The following ACOT7 variants were observed in gnomAD, a reference collection of about 807,000 sequenced individuals.
ACOT7 encodes the protein cytosolic acyl coenzyme A thioester hydrolase.
ACOT7 carries 12 observed loss-of-function variants against 40.2 expected under a neutral mutation model. That is an observed-to-expected ratio of 0.30 (90% CI 0.19 to 0.48). ACOT7 has a LOEUF of 0.48. Among genes scored for constraint, ACOT7 ranks in the 20% least tolerant of loss-of-function variants. The pLI is 0.99. For synonymous variants in ACOT7, 228 were observed against 219.5 expected (o/e 1.04, Z -0.34); for missense variants, 395 against 530.8 (o/e 0.74, Z 2.51).
rs74829338 is a variant in ACOT7 at position 6,376,727 on chromosome 1, C to CA, written c.143+16529dup. 5.2e-3 allele frequency among the ~76,000 whole-genome samples: 496 copies of CA among 94,586 alleles called. 4 individuals carry two copies. Among genetic ancestry groups the CA allele is most frequent in the Non-Finnish European group, 6.3e-3 (273 of 43,578 alleles). The allele number at this position is 94,586 out of a possible 152,430, so 62.1% of individuals were successfully genotyped here. A position where few individuals can be genotyped will look rare whatever the true frequency, so the allele number is the denominator to read the frequency against. On this transcript the variant is annotated intron_variant, in intron 1 of 8. Transcript: ENST00000361521. ...GGGCAACAAGAGTAAAACTCCATCC[C>CA]AAAAAAAAAAAAAAAAAAATTAGCT... is the stretch of plus-strand genomic sequence containing the variant.
chr1:6,364,917 G>C (rs1641969892), intron 1 of ACOT7, among the ~76,000 whole-genome samples: 1 of 151,228 alleles, frequency 6.6e-6, no homozygotes, highest in Non-Finnish European at 1.5e-5. Flanking sequence ...CAGGTACTCA[G>C]GAGGCTGAGG....
intron 1 of ACOT7, among the ~76,000 whole-genome samples, chr1:6,350,992 G>A (rs1290491251): frequency 6.6e-6 from 1 of 152,200 alleles, no homozygotes; most frequent in East Asian, 1.9e-4. Context: ...CCACAACAGC[G>A]CTGGCAGACA....
At chr1:6,300,957 A>G (rs1013681308) in intron 6 of ACOT7, among the ~76,000 whole-genome samples, 1 of 152,208 alleles carries the variant, frequency 6.6e-6, no homozygotes, top group African/African-American at 2.4e-5. Context: ...TCACACCACT[A>G]GGGGTAGGAT....
intron 4 of ACOT7, among the ~76,000 whole-genome samples, chr1:6,332,738 G>A (rs980237719): frequency 1.9e-4 from 29 of 151,898 alleles, no homozygotes; most frequent in African/African-American, 5.3e-4. Flanking sequence ...GGAGAATGGC[G>A]TGAACGTGGG....
intron 6 of ACOT7, among the ~76,000 whole-genome samples, chr1:6,305,403 G>A (rs1438566183): frequency 1.3e-5 from 2 of 151,610 alleles, no homozygotes; most frequent in Admixed American, 6.5e-5. Flanking sequence ...CTCCCAGACG[G>A]GGCGGCTGAC....
rs1202502106 is a variant in ACOT7, at chr1:6,275,460, C to T, written c.1014+5642G>A. On this transcript the variant is annotated intron_variant, in intron 8 of 8. Coordinates refer to ENST00000361521, the MANE Select transcript of ACOT7 (RefSeq NM_007274.4). The surrounding 1 kb of genome is among the most constrained non-coding windows in gnomAD (Gnocchi z 5.6). Reference sequence around the variant, plus strand: ...AAGATGGCCACAGCTAGGCCAGGCGCGGTAGCTCACGCCTGTAATCCTAGC... The same window carrying T: ...AAGATGGCCACAGCTAGGCCAGGCGTGGTAGCTCACGCCTGTAATCCTAGC... Among the ~76,000 whole-genome samples the T allele has an allele frequency of 1.3e-5, 2 of 152,162 alleles. No homozygotes were observed. The highest frequency in any genetic ancestry group is 2.9e-5 in the Non-Finnish European group (2 of 68,020).
At chr1:6,321,119 G>T (rs539539654) in intron 5 of ACOT7, among the ~76,000 whole-genome samples, 25 of 152,278 alleles carry the variant, frequency 1.6e-4, no homozygotes, top group African/African-American at 6.0e-4. Context: ...TCTTGGGGAG[G>T]AACTACATGG....
In ACOT7 at chr1:6,352,744, G is replaced by A. The variant is rs1227999018; in HGVS notation, c.144-2878C>T. On this transcript the variant is annotated intron_variant, in intron 1 of 8. Transcript: ENST00000361521. This position sits in a 1 kb window ranked among gnomAD's most constrained non-coding sequence, Gnocchi z 4.5. ...ACTACAGGCGCCCGCCACCACGCCC[G>A]GCTAATTTTTTGCATTTTTTAGTAG... Among the ~76,000 whole-genome samples, 2 of 151,546 alleles carry A rather than the reference G, an allele frequency of 1.3e-5. No individual in the cohort carries two copies. Among genetic ancestry groups the A allele is most frequent in the Admixed American group, 6.6e-5 (1 of 15,188 alleles).
chr1:6,369,384 C>A (rs1642082684), intron 1 of ACOT7, among the ~76,000 whole-genome samples: 1 of 150,874 alleles, frequency 6.6e-6, no homozygotes, highest in South Asian at 2.1e-4. Flanking sequence ...GCCAGAGCCC[C>A]ACAAAATGCA....
At chr1:6,362,231 G>A (rs1007690277) in intron 1 of ACOT7, among the ~76,000 whole-genome samples, 2 of 152,058 alleles carry the variant, frequency 1.3e-5, no homozygotes, top group East Asian at 3.9e-4. Flanking sequence ...AGGAGTCTGA[G>A]ACCAGCCTGG....
chr1:6,296,427 A>ATTTT (rs5772228), intron 6 of ACOT7, among the ~76,000 whole-genome samples: 3 of 144,796 alleles, frequency 2.1e-5, no homozygotes, highest in African/African-American at 7.6e-5. Flanking sequence ...TCAATTTTTA[A>ATTTT]TTTTTTTTTT....
chr1:6,280,943 G>A lies in ACOT7; in HGVS notation c.1014+159C>T, dbSNP rs574752318. On this transcript the variant is annotated intron_variant, in intron 8 of 8. Coordinates refer to ENST00000361521, the MANE Select transcript of ACOT7 (RefSeq NM_007274.4). Reference sequence around the variant, plus strand: ...CCTCACCGGATCAGCCCCGCAGCCCGAGGTCACCGGTCACGGCAGTGGCCA... The same window carrying A: ...CCTCACCGGATCAGCCCCGCAGCCCAAGGTCACCGGTCACGGCAGTGGCCA... Among the ~76,000 whole-genome samples, 74 of 152,276 alleles carry A rather than the reference G, an allele frequency of 4.9e-4. 2 individuals are homozygous for A. Among genetic ancestry groups the A allele is most frequent in the East Asian group, 1.9e-4 (1 of 5,176 alleles).
chr1:6,307,031 G>A, intron 6 of ACOT7: 8 of 902,764 alleles, frequency 8.9e-6, no homozygotes, highest in South Asian at 1.6e-5. Flanking sequence ...AGGCTAAGCT[G>A]TGCTGTCCCC....
At chr1:6,353,694 A>G (rs1002588667) in intron 1 of ACOT7, among the ~76,000 whole-genome samples, 4 of 152,232 alleles carry the variant, frequency 2.6e-5, no homozygotes, top group African/African-American at 9.6e-5. Context: ...GGGGTTAAAA[A>G]TTATCTAAAA....
chr1:6,351,618 G>A (rs576363551), intron 1 of ACOT7, among the ~76,000 whole-genome samples: 3 of 152,330 alleles, frequency 2.0e-5, no homozygotes, highest in African/African-American at 4.8e-5. Context: ...GGGTGGGTGC[G>A]GAGAGCAGGG....
chr1:6,303,651 T>C (rs1432609935), intron 6 of ACOT7, among the ~76,000 whole-genome samples: 2 of 152,204 alleles, frequency 1.3e-5, no homozygotes, highest in African/African-American at 2.4e-5. Flanking sequence ...CGGCCTCCTA[T>C]ATTAAGAAAA....
At chr1:6,320,741 C>T (rs1177263880) in intron 5 of ACOT7, among the ~76,000 whole-genome samples, 1 of 152,176 alleles carries the variant, frequency 6.6e-6, no homozygotes, top group African/African-American at 2.4e-5. Flanking sequence ...TTCTACCCCT[C>T]CAGTCACCAG....
At chr1:6,383,378 G>A (rs930402518) in intron 1 of ACOT7, among the ~76,000 whole-genome samples, 13 of 150,932 alleles carry the variant, frequency 8.6e-5, no homozygotes, top group African/African-American at 1.5e-4. Flanking sequence ...TAGTAGAGAC[G>A]GGGTTTCACC....
intron 8 of ACOT7, among the ~76,000 whole-genome samples, chr1:6,277,388 T>C (rs117588653): frequency 0.015 from 2,238 of 152,340 alleles, 30 homozygotes; most frequent in East Asian, 0.037. Context: ...ACTATCAGCT[T>C]TGAAGGGCTG....
Sources: allele counts gnomAD v4.1 joint callset (sites outside exome capture counted in the v4.1 genomes callset), GRCh38; gene constraint gnomAD v4.1.1; non-coding constraint Gnocchi (gnomAD v3.1); transcripts MANE v1.5; gene names NCBI Gene and HGNC (gene_info 2026-07-23, HGNC 2026-07-21).